RBKS: variants seen among roughly 807,000 people sequenced by gnomAD.
The protein encoded by RBKS is ribokinase.
In RBKS, 33 loss-of-function variants were observed where a neutral mutation model predicts 33.9. The observed-to-expected ratio is 0.97, with a 90% CI of 0.74 to 1.30. The LOEUF (loss-of-function observed/expected upper bound fraction) is 1.30. RBKS is among the 50% of genes most tolerant of loss of function. The pLI is 0.00. For missense variants in RBKS, 361 were observed against 392.6 expected (o/e 0.92, Z 0.68); for synonymous variants, 125 against 143.0 (o/e 0.87, Z 0.90).
chr2:27,887,048 C>T (rs961726537), intron 1 of RBKS, among the ~76,000 whole-genome samples: 1 of 152,120 alleles, frequency 6.6e-6, no homozygotes, highest in African/African-American at 2.4e-5. Context: ...TATGTTGTTA[C>T]GTGGCAAGGG....
intron 6 of RBKS, among the ~76,000 whole-genome samples, 181 bp downstream of exon 6, chr2:27,832,505 T>C (rs544363260): frequency 6.6e-6 from 1 of 152,246 alleles, no homozygotes; most frequent in Non-Finnish European, 1.5e-5. Flanking sequence ...AGAATCCTTT[T>C]TTCCCCCCTA....
At chr2:27,842,534 C>T (rs1430256581) in intron 5 of RBKS, among the ~76,000 whole-genome samples, 1 of 152,146 alleles carries the variant, frequency 6.6e-6, no homozygotes, top group Non-Finnish European at 1.5e-5. Flanking sequence ...ACTGGGCTGC[C>T]CCAGTTACTT....
chr2:27,811,100 CA>C (rs1387911787), intron 7 of RBKS, among the ~76,000 whole-genome samples: 19 of 152,334 alleles, frequency 1.2e-4, no homozygotes, highest in African/African-American at 4.6e-4. Context: ...TTAGCTGCTT[CA>C]TGAGCTGCTG....
At chr2:27,796,301 C>T (rs771314774) in intron 7 of RBKS, among the ~76,000 whole-genome samples, 1 of 152,080 alleles carries the variant, frequency 6.6e-6, no homozygotes, top group Non-Finnish European at 1.5e-5. Context: ...AAGTCAAGTA[C>T]TTTCCAGTCA....
At chr2:27,825,871 G>C (rs1678301599) in intron 7 of RBKS, among the ~76,000 whole-genome samples, 1 of 152,154 alleles carries the variant, frequency 6.6e-6, no homozygotes, top group Non-Finnish European at 1.5e-5. Context: ...TGAGAATAGG[G>C]GCTAAGCCAC....
intron 1 of RBKS, among the ~76,000 whole-genome samples, chr2:27,871,428 C>A (rs1020222267): frequency 2.0e-5 from 3 of 152,140 alleles, no homozygotes; most frequent in Non-Finnish European, 4.4e-5. Context: ...TTAAATAGGA[C>A]TCTTGGTATT....
chr2:27,801,712 A>G (rs1279396291), intron 7 of RBKS, among the ~76,000 whole-genome samples: 3 of 152,054 alleles, frequency 2.0e-5, no homozygotes, highest in Admixed American at 1.3e-4. Context: ...GTGTACAAGC[A>G]TGGTGCTGGC....
intron 7 of RBKS, among the ~76,000 whole-genome samples, chr2:27,822,699 G>A (rs1175200912): frequency 6.6e-6 from 1 of 152,238 alleles, no homozygotes; most frequent in African/African-American, 2.4e-5. Flanking sequence ...CTGCTGCCTA[G>A]TGCCTCATCA....
intron 1 of RBKS, among the ~76,000 whole-genome samples, chr2:27,863,628 C>T (rs994309825): frequency 1.7e-4 from 26 of 152,252 alleles, no homozygotes; most frequent in Admixed American, 1.6e-3. Context: ...ATATTGGCTT[C>T]AGCCAAAAGT....
intron 1 of RBKS, among the ~76,000 whole-genome samples, chr2:27,868,406 T>C (rs1233362676): frequency 6.6e-6 from 1 of 152,212 alleles, no homozygotes; most frequent in East Asian, 1.9e-4. Context: ...AAAAAACACA[T>C]AGCTGTTAGG....
At chr2:27,784,216 C>G (rs1677355600) in intron 7 of RBKS, among the ~76,000 whole-genome samples, 2 of 151,802 alleles carry the variant, frequency 1.3e-5, no homozygotes, top group Non-Finnish European at 2.9e-5. Flanking sequence ...ATCTCCTGAC[C>G]TCGTGATCCG....
rs575262067 is a variant in RBKS, at chr2:27,852,091, A to G, written c.223-3994T>C. 2.0e-5 allele frequency among the ~76,000 whole-genome samples: 3 copies of G among 152,310 alleles called. No individual in the cohort carries two copies. In the East Asian group the frequency reaches 5.8e-4, roughly 29 times the overall value. ...ATGGACAAGCACCTGCACATAAGCC[A>G]AAAGGGAACTCTCAGAACTCAACAT... On this transcript the variant is annotated intron_variant, in intron 2 of 7. Transcript: ENST00000302188.
chr2:27,814,813 T>C (rs1678056512), intron 7 of RBKS, among the ~76,000 whole-genome samples: 1 of 152,136 alleles, frequency 6.6e-6, no homozygotes, highest in African/African-American at 2.4e-5. Flanking sequence ...TTTTCAGAGG[T>C]TGTACCACAG....
chr2:27,868,519 A>T lies in RBKS; in HGVS notation c.90-9948T>A, dbSNP rs1021363631. On this transcript the variant is annotated intron_variant, in intron 1 of 7. Coordinates refer to ENST00000302188, the MANE Select transcript of RBKS (RefSeq NM_022128.3). ...AATTGGTATTCTTTCAATTTTGACT[A>T]TAATGTTGGATATTCAATACATAAA... is the stretch of plus-strand genomic sequence containing the variant. Among the ~76,000 whole-genome samples, 5 of 152,350 alleles carry T rather than the reference A, an allele frequency of 3.3e-5. No individual in the cohort carries two copies. The South Asian group carries it at 6.2e-4, about 19-fold the overall frequency.
At chr2:27,848,793 GTCACA>G (rs1025624823) in intron 2 of RBKS, among the ~76,000 whole-genome samples, 1 of 149,096 alleles carries the variant, frequency 6.7e-6, no homozygotes, top group African/African-American at 2.5e-5. Flanking sequence ...GTGAGCCGAG[GTCACA>G]CCACTGCACT....
chr2:27,862,353 G>C (rs1464202903), intron 1 of RBKS, among the ~76,000 whole-genome samples: 2 of 152,194 alleles, frequency 1.3e-5, no homozygotes, highest in African/African-American at 4.8e-5. Flanking sequence ...ACAAAGAAAG[G>C]TGGGGACTAA....
At chr2:27,863,951 GTA>G (rs930164996) in intron 1 of RBKS, among the ~76,000 whole-genome samples, 6 of 152,044 alleles carry the variant, frequency 3.9e-5, no homozygotes, top group African/African-American at 1.4e-4. Context: ...ATTTGCAGAC[GTA>G]TATGTTATTT....
chr2:27,883,943 T>C (rs1055231245), intron 1 of RBKS, among the ~76,000 whole-genome samples: 2 of 152,194 alleles, frequency 1.3e-5, no homozygotes, highest in African/African-American at 4.8e-5. Flanking sequence ...GGAATACAGT[T>C]GACACAACTA....
At chr2:27,878,854 C>T (rs1664368210) in intron 1 of RBKS, among the ~76,000 whole-genome samples, 1 of 152,146 alleles carries the variant, frequency 6.6e-6, no homozygotes, top group Non-Finnish European at 1.5e-5. Flanking sequence ...TGTTCATATC[C>T]TTTGCCCACT....
Sources: allele counts gnomAD v4.1 joint callset (sites outside exome capture counted in the v4.1 genomes callset), GRCh38; gene constraint gnomAD v4.1.1; transcripts MANE v1.5; gene names NCBI Gene and HGNC (gene_info 2026-07-23, HGNC 2026-07-21).